Variants in LRP1B observed in about 807,000 individuals in gnomAD.
LRP1B encodes LDL receptor related protein 1B, also known as low-density lipoprotein receptor-related protein 1B.
In LRP1B, 217 loss-of-function variants were observed where a neutral mutation model predicts 556.6. That is an observed-to-expected ratio of 0.39 (90% CI 0.35 to 0.44). The LOEUF (loss-of-function observed/expected upper bound fraction) is 0.44. Among genes scored for constraint, LRP1B ranks in the 20% least tolerant of loss-of-function variants. The pLI, the probability that LRP1B is intolerant of heterozygous loss-of-function variation, is 1.00. For synonymous variants in LRP1B, 2,047 were observed against 1,865.8 expected (o/e 1.10, Z -2.50); for missense variants, 5,053 against 5,620.8 (o/e 0.90, Z 3.23).
At chr2:141,868,582 A>T (rs1011701492) in intron 1 of LRP1B, among the ~76,000 whole-genome samples, 1 of 152,178 alleles carries the variant, frequency 6.6e-6, no homozygotes, top group Non-Finnish European at 1.5e-5. Context: ...ACTGTTGATA[A>T]ACAGAATAGT....
chr2:141,482,253 G>A (rs1432983259), intron 2 of LRP1B, among the ~76,000 whole-genome samples: 1 of 152,030 alleles, frequency 6.6e-6, no homozygotes, highest in Non-Finnish European at 1.5e-5. Context: ...TATTTTGTTG[G>A]ATGCTAAAAC....
Position 141,436,579 on chromosome 2 carries a change from T to TCTTGGGGAAAGCGTATGCTAA in LRP1B, c.343+43816_343+43817insTTAGCATACGCTTTCCCCAAG, listed in dbSNP as rs6146941. Among the ~76,000 whole-genome samples, 8 of 152,176 alleles carry TCTTGGGGAAAGCGTATGCTAA rather than the reference T, an allele frequency of 5.3e-5. No homozygotes were observed. In the East Asian group the frequency reaches 1.4e-3, roughly 26 times the overall value. On this transcript the variant is annotated intron_variant, in intron 3 of 90. Coordinates refer to ENST00000389484, the MANE Select transcript of LRP1B (RefSeq NM_018557.3). ...GTTTTCACCAGTTAAATTACTGTTT[T>TCTTGGGGAAAGCGTATGCTAA]CTCTCTTCTGTAAATCTGACCTTTC...
chr2:141,097,923 A>G (rs533022363), intron 7 of LRP1B, among the ~76,000 whole-genome samples: 17 of 152,320 alleles, frequency 1.1e-4, no homozygotes, highest in African/African-American at 4.1e-4. Flanking sequence ...TTGTCAATGA[A>G]TGGTAGTTGC....
At chr2:141,902,608 G>T (rs975947006) in intron 1 of LRP1B, among the ~76,000 whole-genome samples, 11 of 151,928 alleles carry the variant, frequency 7.2e-5, no homozygotes, top group Non-Finnish European at 1.3e-4. Flanking sequence ...CATACCTACT[G>T]TCTAATGAAG....
At chr2:140,919,906 C>T (rs1402152904) in intron 21 of LRP1B, among the ~76,000 whole-genome samples, 2 of 151,870 alleles carry the variant, frequency 1.3e-5, no homozygotes, top group African/African-American at 4.8e-5. Context: ...TATTACCATC[C>T]CTATTGATAA....
intron 66 of LRP1B, among the ~76,000 whole-genome samples, chr2:140,419,964 T>C (rs868223582): frequency 1.4e-5 from 2 of 144,888 alleles, no homozygotes; most frequent in Admixed American, 7.1e-5. Flanking sequence ...GCTGAGATCA[T>C]GCCACTGCAC....
At chr2:141,132,525 A>C (rs2105030609) in intron 7 of LRP1B, among the ~76,000 whole-genome samples, 1 of 152,174 alleles carries the variant, frequency 6.6e-6, no homozygotes, top group African/African-American at 2.4e-5. Context: ...TTCTCTTTAT[A>C]AAATACCCAG....
chr2:140,231,967 A>C lies in LRP1B; in HGVS notation c.*1219T>G, dbSNP rs1437631430. 1 of 151,632 alleles carries C rather than the reference A, an allele frequency of 6.6e-6. No homozygotes were observed. Among genetic ancestry groups the C allele is most frequent in the Non-Finnish European group, 1.5e-5 (1 of 67,510 alleles). 9.4% of individuals were successfully genotyped at this position (151,632 alleles called of 1,614,324 possible). A position where few individuals can be genotyped will look rare whatever the true frequency, so the allele number is the denominator to read the frequency against. On this transcript the variant is annotated 3_prime_UTR_variant, in exon 91 of 91. Transcript: ENST00000389484. The stretch of plus-strand genomic sequence containing the variant: ...TCGTTTCAACTCAAATTTGAAGATA[A>C]ACAAACCAAACGTGAATGGGGTCCA...
chr2:140,677,402 T>A (rs548056838), intron 41 of LRP1B, among the ~76,000 whole-genome samples: 26 of 152,190 alleles, frequency 1.7e-4, no homozygotes, highest in African/African-American at 6.0e-4. Flanking sequence ...TATTTTTTAG[T>A]ATAGAGGAGA....
intron 89 of LRP1B, among the ~76,000 whole-genome samples, chr2:140,237,150 G>C (rs1384385102): frequency 6.6e-6 from 1 of 150,710 alleles, no homozygotes; most frequent in African/African-American, 2.4e-5. Flanking sequence ...TGTACCCATT[G>C]AACAACACCT....
At chr2:141,363,643 A>G (rs1309153806) in intron 3 of LRP1B, among the ~76,000 whole-genome samples, 1 of 152,160 alleles carries the variant, frequency 6.6e-6, no homozygotes, top group Admixed American at 6.5e-5. Flanking sequence ...TGAATGTATC[A>G]CACTATCAGA....
chr2:140,707,813 C>A (rs1686892563), intron 37 of LRP1B, among the ~76,000 whole-genome samples: 1 of 151,956 alleles, frequency 6.6e-6, no homozygotes. Context: ...AAATATGTTG[C>A]TATTGATTAA....
chr2:141,730,997 C>T (rs1198039760), intron 2 of LRP1B, among the ~76,000 whole-genome samples: 1 of 152,040 alleles, frequency 6.6e-6, no homozygotes, highest in Non-Finnish European at 1.5e-5. Flanking sequence ...AAGGCAAGAA[C>T]CAGGTATAGT....
intron 59 of LRP1B, among the ~76,000 whole-genome samples, chr2:140,483,852 G>A (rs1326570825): frequency 1.3e-5 from 2 of 151,604 alleles, no homozygotes; most frequent in Non-Finnish European, 2.9e-5. Context: ...TGGTGGCCAG[G>A]CTGGTCTCGA....
At chr2:141,632,007 G>A (rs556303124) in intron 2 of LRP1B, among the ~76,000 whole-genome samples, 2 of 151,942 alleles carry the variant, frequency 1.3e-5, no homozygotes, top group Non-Finnish European at 2.9e-5. Context: ...ACTGCAGCTT[G>A]AGCCTGGGAT....
intron 2 of LRP1B, among the ~76,000 whole-genome samples, chr2:141,691,651 C>A (rs1400303085): frequency 6.6e-6 from 1 of 151,944 alleles, no homozygotes; most frequent in Non-Finnish European, 1.5e-5. Context: ...GACTTCTTTG[C>A]AGTATTTGCC....
At chr2:140,875,024 A>T (rs547053336) in intron 25 of LRP1B, among the ~76,000 whole-genome samples, 122 of 150,430 alleles carry the variant, frequency 8.1e-4, no homozygotes, top group African/African-American at 2.8e-3. Flanking sequence ...GTCTCAATAA[A>T]AAAAAAAAAA....
chr2:141,646,918 C>T (rs1689588042), intron 2 of LRP1B, among the ~76,000 whole-genome samples: 3 of 152,130 alleles, frequency 2.0e-5, no homozygotes, highest in Admixed American at 2.0e-4. Context: ...CCAGCTTTGC[C>T]AGGATGGTAG....
At chr2:141,000,699 G>A (rs371849164) in intron 15 of LRP1B, among the ~76,000 whole-genome samples, 12 of 152,106 alleles carry the variant, frequency 7.9e-5, no homozygotes, top group East Asian at 3.9e-4. Flanking sequence ...GAATGTACAT[G>A]GAAATAGGAA....
Sources: gnomAD v4.1 joint callset for allele counts (sites outside exome capture counted in the v4.1 genomes callset) on GRCh38, gnomAD v4.1.1 for gene constraint, MANE v1.5 for transcripts, NCBI Gene and HGNC (gene_info 2026-07-23, HGNC 2026-07-21) for gene names.